RUFY2: variants seen among roughly 807,000 people sequenced by gnomAD.
The protein encoded by RUFY2 is RUN and FYVE domain containing 2.
Under a neutral mutation model 94.4 loss-of-function variants are expected in RUFY2, and 49 were observed. That is an observed-to-expected ratio of 0.52 (90% CI 0.41 to 0.66). The LOEUF is 0.66. Among genes scored for constraint, RUFY2 ranks in the 30% least tolerant of loss-of-function variants. RUFY2 has a pLI of 0.00. For synonymous variants in RUFY2, 255 were observed against 235.7 expected, an observed-to-expected ratio of 1.08 and a Z score of -0.75; for missense variants, 541 against 692.8, an observed-to-expected ratio of 0.78 and a Z score of 2.46.
At chr10:68,378,587 T>C in intron 12 of RUFY2, 1 of 1,607,932 alleles carries the variant, frequency 6.2e-7, no homozygotes, top group African/African-American at 1.3e-5. Flanking sequence ...TTTAACCAGC[T>C]TGTACTGGTC....
intron 10 of RUFY2, among the ~76,000 whole-genome samples, chr10:68,383,042 A>G (rs1183156638): frequency 6.6e-6 from 1 of 152,244 alleles, no homozygotes; most frequent in Non-Finnish European, 1.5e-5. Context: ...ACACTGATAC[A>G]GGTCAGGCAC....
At chr10:68,407,138 A>T in intron 1 of RUFY2, 48 bp downstream of exon 1, 3 of 1,492,194 alleles carry the variant, frequency 2.0e-6, no homozygotes, top group Non-Finnish European at 2.7e-6. Context: ...CGCGGCCCTC[A>T]GCCCGGGACT....
At chr10:68,402,315 G>C (rs907450459) in intron 2 of RUFY2, among the ~76,000 whole-genome samples, 3 of 151,792 alleles carry the variant, frequency 2.0e-5, no homozygotes, top group African/African-American at 7.3e-5. Context: ...CCTTTTCCTT[G>C]TATTTTATTC....
At chr10:68,355,457 CTT>C in intron 15 of RUFY2, 56 bp from the exon 16 acceptor site, 1 of 1,087,234 alleles carries the variant, frequency 9.2e-7, no homozygotes, top group Non-Finnish European at 1.4e-6. Context: ...ATATAGAACA[CTT>C]AGTATTTCAG....
chr10:68,390,987 T>G (rs1010035261), intron 7 of RUFY2, among the ~76,000 whole-genome samples: 2 of 145,426 alleles, frequency 1.4e-5, no homozygotes, highest in Admixed American at 1.4e-4. Flanking sequence ...CAGGCTGGAG[T>G]GCAATGGCGT....
chr10:68,346,186 G>A (rs879122324), intron 16 of RUFY2, 102 bp from the exon 17 acceptor site: 1 of 816,772 alleles, frequency 1.2e-6, no homozygotes, highest in South Asian at 1.7e-5. Context: ...GATATATGAA[G>A]AATGGAAAAT....
chr10:68,405,890 G>C (rs1457117359), intron 1 of RUFY2: 1 of 158,064 alleles, frequency 6.3e-6, no homozygotes. Context: ...AATTCTAAAA[G>C]GCCTGATTTT....
chr10:68,365,898 C>A (rs1252931780), intron 13 of RUFY2, among the ~76,000 whole-genome samples: 1 of 152,024 alleles, frequency 6.6e-6, no homozygotes, highest in African/African-American at 2.4e-5. Flanking sequence ...GCACACAGTA[C>A]CCTGTTGAAT....
rs550634678 is a variant in RUFY2, at chr10:68,364,159, C to T, written c.1326-46G>A. 2.9e-4 allele frequency: 451 copies of T among 1,571,742 alleles called. 3 individuals are homozygous for T. The South Asian group carries it at 4.6e-3, about 16-fold the overall frequency. On this transcript the variant is annotated intron_variant, in intron 13 of 17. Transcript: ENST00000602465. ...CAGAAGCTCAGTGCTATTTCTCACA[C>T]GACAGTTGTTATGTATTCTTTACTA...
In RUFY2 at chr10:68,346,020, AGT is replaced by A. The variant is rs1275824473; in HGVS notation, c.1662_1663del (p.Ser556Ter). Reference sequence around the variant, plus strand: ...TATCTCCCTTACCTTTCTCTTAGAGAGTGAGAATTCCTTTTCACAAAGTTTAC... The same window carrying A: ...TATCTCCCTTACCTTTCTCTTAGAGAGAGAATTCCTTTTCACAAAGTTTAC... On this transcript the variant is annotated frameshift_variant, in exon 17 of 18. Transcript: ENST00000602465. LOFTEE classifies it high-confidence loss of function. 1 of 1,613,840 alleles carries A rather than the reference AGT, an allele frequency of 6.2e-7. No homozygotes were observed. Among genetic ancestry groups the A allele is most frequent in the Non-Finnish European group, 8.5e-7 (1 of 1,179,958 alleles).
intron 1 of RUFY2, chr10:68,406,820 G>C: frequency 6.2e-7 from 1 of 1,612,626 alleles, no homozygotes. Flanking sequence ...GCCAAAACCT[G>C]AGATGCGTCT....
chr10:68,406,081 G>A (rs772741944), intron 1 of RUFY2, among the ~76,000 whole-genome samples: 2 of 151,800 alleles, frequency 1.3e-5, no homozygotes, highest in Non-Finnish European at 2.9e-5. Flanking sequence ...CAAAACTAAG[G>A]TGTGGAAAAA....
chr10:68,396,255 G>A lies in RUFY2; in HGVS notation c.398+525C>T, dbSNP rs144718949. Among the ~76,000 whole-genome samples the A allele has an allele frequency of 8.1e-3, 1,237 of 152,130 alleles. 16 individuals are homozygous for A. The highest frequency in any genetic ancestry group is 0.028 in the African/African-American group (1,154 of 41,460). On this transcript the variant is annotated intron_variant, in intron 4 of 17. Coordinates refer to ENST00000602465, the MANE Select transcript of RUFY2 (RefSeq NM_001330103.2). Reference sequence around the variant, plus strand: ...TCCACCTGCCTCGGCCTCCCACAGTGCTGGGATTACAGGCGTGAGCCACCA... The same window carrying A: ...TCCACCTGCCTCGGCCTCCCACAGTACTGGGATTACAGGCGTGAGCCACCA...
intron 1 of RUFY2, among the ~76,000 whole-genome samples, chr10:68,405,176 G>C (rs2051176664): frequency 6.6e-6 from 1 of 152,018 alleles, no homozygotes; most frequent in Admixed American, 6.6e-5. Flanking sequence ...AGCTGGGCAT[G>C]GTGGTGCGCG....
intron 12 of RUFY2, chr10:68,377,529 T>TGTGC: frequency 1.0e-6 from 1 of 985,986 alleles, no homozygotes. Context: ...TGTGTGTGTG[T>TGTGC]GCACGTGTGC....
Position 68,344,019 on chromosome 10 carries a change from TAATCATAAAAA to T in RUFY2, c.*1738_*1748del. The T allele has an allele frequency of 6.6e-6, 1 of 152,234 alleles. No homozygotes were observed. Among genetic ancestry groups the T allele is most frequent in the East Asian group, 1.9e-4 (1 of 5,190 alleles). 9.4% of individuals were successfully genotyped at this position (152,234 alleles called of 1,614,324 possible). ...AAAATTTCATTTTTTGTTTATTCAG[TAATCATAAAAA>T]TGTTAGCCCATCCCACCTATCAATA... On this transcript the variant is annotated 3_prime_UTR_variant, in exon 18 of 18. Coordinates refer to ENST00000602465, the MANE Select transcript of RUFY2 (RefSeq NM_001330103.2).
chr10:68,394,414 C>T lies in RUFY2; in HGVS notation c.436G>A (p.Glu146Lys), dbSNP rs2050225075. Reference sequence around the variant, plus strand: ...AGCAGCCCAACAATTACTGCTCCTTCTTCTTCCATCATTAGTGCGTGATAC... The same window carrying T: ...AGCAGCCCAACAATTACTGCTCCTTTTTCTTCCATCATTAGTGCGTGATAC... Reference protein sequence around the residue: ...YEYHALMMEEEGAVIVGLLVG... With the variant: ...YEYHALMMEEKGAVIVGLLVG... Residue 146 changes from glutamate to lysine, a missense_variant, in exon 5 of 18, where the codon GAA (glutamate) becomes AAA (lysine). Coordinates refer to ENST00000602465, the MANE Select transcript of RUFY2 (RefSeq NM_001330103.2). 1 of 1,613,542 alleles carries T rather than the reference C, an allele frequency of 6.2e-7. No homozygotes were observed. The highest frequency in any genetic ancestry group is 1.1e-5 in the South Asian group (1 of 91,076).
intron 13 of RUFY2, among the ~76,000 whole-genome samples, chr10:68,365,220 T>C (rs2047721951): frequency 6.6e-6 from 1 of 152,194 alleles, no homozygotes; most frequent in Non-Finnish European, 1.5e-5. Flanking sequence ...AAATTATTGA[T>C]AAATACTATT....
chr10:68,379,587 G>A (rs911607982), intron 11 of RUFY2, 66 bp from the exon 12 acceptor site: 4 of 1,191,040 alleles, frequency 3.4e-6, no homozygotes, highest in South Asian at 2.7e-5. Flanking sequence ...GTGTGTGTGT[G>A]TGCGTGTTTT....
Sources: gnomAD v4.1 joint callset for allele counts (sites outside exome capture counted in the v4.1 genomes callset) on GRCh38, gnomAD v4.1.1 for gene constraint, MANE v1.5 for transcripts, NCBI Gene and HGNC (gene_info 2026-07-23, HGNC 2026-07-21) for gene names.